Variants in TRAK2 observed in about 807,000 individuals in gnomAD.
TRAK2 encodes trafficking kinesin-binding protein 2.
TRAK2 carries 81 observed loss-of-function variants against 104.6 expected under a neutral mutation model. The observed-to-expected ratio is 0.77, with a 90% CI of 0.65 to 0.93. The LOEUF is 0.93. Among genes scored for constraint, TRAK2 ranks in the 40% least tolerant of loss-of-function variants. TRAK2 has a pLI of 0.00. For missense variants in TRAK2, 1,002 were observed against 1,089.0 expected, an observed-to-expected ratio of 0.92 and a Z score of 1.12; for synonymous variants, 406 against 394.4, an observed-to-expected ratio of 1.03 and a Z score of -0.35.
rs552795527 is a variant in TRAK2, at chr2:201,449,110, C to T, written c.-200+2240G>A. Reference sequence around the variant, plus strand: ...TTTGGAATGGGCTTTTCGGGTCTTACTGAGCAGTTCAGTAAGAAATGGGAA... The same window carrying T: ...TTTGGAATGGGCTTTTCGGGTCTTATTGAGCAGTTCAGTAAGAAATGGGAA... On this transcript the variant is annotated intron_variant, in intron 1 of 15. Transcript: ENST00000332624. 2.6e-5 allele frequency among the ~76,000 whole-genome samples: 4 copies of T among 151,420 alleles called. No individual in the cohort carries two copies. The South Asian group carries it at 6.2e-4, about 24-fold the overall frequency.
intron 1 of TRAK2, among the ~76,000 whole-genome samples, chr2:201,444,151 A>G (rs1951946988): frequency 6.6e-6 from 1 of 152,094 alleles, no homozygotes; most frequent in African/African-American, 2.4e-5. Context: ...CAGTGAGCCG[A>G]GATCGTACCA....
chr2:201,394,979 A>G, intron 8 of TRAK2, 107 bp from the exon 9 acceptor site: 1 of 999,482 alleles, frequency 1.0e-6, no homozygotes, highest in East Asian at 2.6e-5. Flanking sequence ...ATCATCTTAA[A>G]GCCTACAAAA....
intron 3 of TRAK2, among the ~76,000 whole-genome samples, chr2:201,403,746 G>GAA (rs77118143): frequency 4.3e-5 from 4 of 92,514 alleles, no homozygotes; most frequent in Admixed American, 1.1e-4. Context: ...TTTCCAAACA[G>GAA]AAAAAAAAAA....
chr2:201,440,891 G>A (rs948652129), intron 1 of TRAK2, among the ~76,000 whole-genome samples: 1 of 152,138 alleles, frequency 6.6e-6, no homozygotes, highest in South Asian at 2.1e-4. Flanking sequence ...CCCAGAAGAT[G>A]GCTGCCCACT....
At chr2:201,450,344 G>A (rs1952017626) in intron 1 of TRAK2, among the ~76,000 whole-genome samples, 1 of 151,938 alleles carries the variant, frequency 6.6e-6, no homozygotes, top group Non-Finnish European at 1.5e-5. Context: ...GAATCCGGGA[G>A]GCGGAGGTTG....
rs746993161 is a variant in TRAK2, at chr2:201,398,254, G to A, written c.581C>T (p.Pro194Leu). 1.9e-6 allele frequency: 3 copies of A among 1,613,766 alleles called. No homozygotes were observed. The highest frequency in any genetic ancestry group is 2.2e-5 in the East Asian group (1 of 44,870). Residue 194 changes from proline to leucine, a missense_variant, in exon 6 of 16, where the codon CCT becomes CTT. By Grantham distance (98) the Pro-to-Leu change is moderately conservative (BLOSUM62 -3). Coordinates refer to ENST00000332624, the MANE Select transcript of TRAK2 (RefSeq NM_015049.3). ...ESETDSSCST[P>L]LRFNESFSLS... ...GCTAAAGGACTCATTGAACCGAAGA[G>A]GTGTAGAACAGCTGGAATCAGTTTC...
intron 4 of TRAK2, among the ~76,000 whole-genome samples, chr2:201,400,425 A>C (rs1951540985): frequency 1.3e-5 from 2 of 152,118 alleles, no homozygotes; most frequent in Admixed American, 1.3e-4. Context: ...CTCATTTTAA[A>C]TAATCGCTAA....
chr2:201,433,706 C>A (rs1225803862), intron 1 of TRAK2, among the ~76,000 whole-genome samples: 3 of 152,172 alleles, frequency 2.0e-5, no homozygotes, highest in Admixed American at 2.0e-4. Context: ...TAGAGCTTCA[C>A]CTGCAGATAA....
chr2:201,450,282 G>C (rs1439241829), intron 1 of TRAK2, among the ~76,000 whole-genome samples: 2 of 152,122 alleles, frequency 1.3e-5, no homozygotes, highest in East Asian at 3.9e-4. Context: ...GGGCGTGGTG[G>C]TGCGCGCCTG....
Position 201,381,129 on chromosome 2 carries a change from C to T in TRAK2, c.2159G>A (p.Ser720Asn). 6.2e-7 allele frequency: 1 copy of T among 1,613,700 alleles called. No individual in the cohort carries two copies. The highest frequency in any genetic ancestry group is 8.5e-7 in the Non-Finnish European group (1 of 1,179,896). The part of the protein sequence containing the change: ...VNSPALSYRL[S>N]IGESITNRRD... The stretch of plus-strand genomic sequence containing the variant: ...TCGGTTGGTGATGGACTCACCAATG[C>T]TGAGTCTATAGGACAAGGCAGGAGA... Residue 720 changes from serine to asparagine, a missense_variant, in exon 16 of 16, where the codon AGC (serine) becomes AAC (asparagine). Physicochemically the swap from Ser to Asn is conservative, Grantham distance 46. Coordinates refer to ENST00000332624, the MANE Select transcript of TRAK2 (RefSeq NM_015049.3).
chr2:201,394,343 C>CTTTT lies in TRAK2; in HGVS notation c.975+454_975+455insAAAA, dbSNP rs369969654. Reference sequence around the variant, plus strand: ...ACTTTTAAAATGCTTTATTCTTTTTCTTTCTTTTTTTTTTTTTGAGACGAA... The same window carrying CTTTT: ...ACTTTTAAAATGCTTTATTCTTTTTCTTTTTTTCTTTTTTTTTTTTTGAGACGAA... On this transcript the variant is annotated intron_variant, in intron 9 of 15. Coordinates refer to ENST00000332624, the MANE Select transcript of TRAK2 (RefSeq NM_015049.3). Among the ~76,000 whole-genome samples, 7 of 126,586 alleles carry CTTTT rather than the reference C, an allele frequency of 5.5e-5. 1 individual carries two copies. The highest frequency in any genetic ancestry group is 1.1e-4 in the African/African-American group (4 of 34,888). 83.0% of individuals were successfully genotyped at this position (126,586 alleles called of 152,430 possible). A position where few individuals can be genotyped will look rare whatever the true frequency, so the allele number is the denominator to read the frequency against.
chr2:201,414,692 A>T (rs1246897280), intron 2 of TRAK2, among the ~76,000 whole-genome samples: 5 of 152,156 alleles, frequency 3.3e-5, no homozygotes, highest in African/African-American at 4.8e-5. Context: ...ACATATATCC[A>T]AATTCTATTA....
chr2:201,391,176 T>C (rs1951445215), intron 10 of TRAK2, among the ~76,000 whole-genome samples: 1 of 152,012 alleles, frequency 6.6e-6, no homozygotes, highest in Admixed American at 6.5e-5. Flanking sequence ...ATTCCAGGGC[T>C]GAGACAAAAA....
chr2:201,441,981 T>G (rs35520803), intron 1 of TRAK2, among the ~76,000 whole-genome samples: 1 of 151,454 alleles, frequency 6.6e-6, no homozygotes, highest in Non-Finnish European at 1.5e-5. Context: ...TGTGAGCCAC[T>G]GTGCCCGGCC....
In TRAK2 at chr2:201,451,425, AG is replaced by A. The variant is rs1460733201; in HGVS notation, c.-276del. ...CCTAATGCAGCGGCAGCCTGAAAGC[AG>A]CAGCCGAAGCTGCTGCCGCTGCTCC... On this transcript the variant is annotated 5_prime_UTR_variant, in exon 1 of 16. Transcript: ENST00000332624. 3 of 152,186 alleles carry A rather than the reference AG, an allele frequency of 2.0e-5. No homozygotes were observed. The highest frequency in any genetic ancestry group is 2.0e-4 in the Admixed American group (3 of 15,264). The allele number at this position is 152,186 out of a possible 1,614,324, so 9.4% of individuals were successfully genotyped here.
chr2:201,431,431 C>A (rs1951841531), intron 1 of TRAK2, among the ~76,000 whole-genome samples: 1 of 152,162 alleles, frequency 6.6e-6, no homozygotes, highest in Non-Finnish European at 1.5e-5. Flanking sequence ...AAAAATCATT[C>A]CCTTGTCTTT....
At chr2:201,386,078 T>G in intron 14 of TRAK2, 140 bp downstream of exon 14, 2 of 889,750 alleles carry the variant, frequency 2.2e-6, no homozygotes, top group South Asian at 3.5e-5. Context: ...GGAATGCCAC[T>G]AATGCTATAG....
At position 201,381,205 on chromosome 2, in the gene TRAK2, A is replaced by G; in HGVS notation, c.2083T>C (p.Ser695Pro). The G allele has an allele frequency of 6.3e-7, 1 of 1,599,054 alleles. No individual in the cohort carries two copies. The highest frequency in any genetic ancestry group is 8.5e-7 in the Non-Finnish European group (1 of 1,172,272). ...CTACCGCTACTTCCACAGGATAATG[A>G]AGGGAACCCAGAGCTTAAAAAAAAA... ...TQVTPSSGFPSLSCGSSGSSS... is the reference protein window; with the variant it reads ...TQVTPSSGFPPLSCGSSGSSS... Residue 695 changes from serine to proline, a missense_variant, in exon 16 of 16, where the codon TCA becomes CCA. Ser to Pro is a moderately conservative substitution (Grantham distance 74, BLOSUM62 -1). Transcript: ENST00000332624.
rs1951637838 is a variant in TRAK2, at chr2:201,410,656, G to A, written c.92-3059C>T. ...GAAAGGATTACCCTGCATACCAAAG[G>A]CAGATTGTCCTATCATGTTCATCTG... On this transcript the variant is annotated intron_variant, in intron 2 of 15. Coordinates refer to ENST00000332624, the MANE Select transcript of TRAK2 (RefSeq NM_015049.3). 3.8e-6 allele frequency: 5 copies of A among 1,300,306 alleles called. No homozygotes were observed. In the Admixed American group the frequency reaches 5.1e-5, roughly 13 times the overall value. 80.5% of individuals were successfully genotyped at this position (1,300,306 alleles called of 1,614,324 possible). A position where few individuals can be genotyped will look rare whatever the true frequency, so the allele number is the denominator to read the frequency against.
Sources: gnomAD v4.1 joint callset for allele counts (sites outside exome capture counted in the v4.1 genomes callset) on GRCh38, gnomAD v4.1.1 for gene constraint, MANE v1.5 for transcripts, NCBI Gene and HGNC (gene_info 2026-07-23, HGNC 2026-07-21) for gene names.